The following HCRTR1 variants were observed in gnomAD, a reference collection of about 807,000 sequenced individuals.
HCRTR1 encodes the protein hypocretin receptor 1, also known as orexin/Hypocretin receptor type 1.
HCRTR1 carries 28 observed loss-of-function variants against 40.6 expected under a neutral mutation model. The observed-to-expected ratio is 0.69, with a 90% confidence interval of 0.51 to 0.95. The LOEUF (loss-of-function observed/expected upper bound fraction) is 0.95. Among genes scored for constraint, HCRTR1 ranks in the 40% least tolerant of loss-of-function variants. The pLI, the probability that HCRTR1 is intolerant of heterozygous loss-of-function variation, is 0.00. For missense variants in HCRTR1, 482 were observed against 564.7 expected, an observed-to-expected ratio of 0.85 and a Z score of 1.48; for synonymous variants, 209 against 230.0, an observed-to-expected ratio of 0.91 and a Z score of 0.83.
Position 31,627,123 on chromosome 1 carries a change from C to A in HCRTR1, c.*143C>A. The A allele has an allele frequency of 7.0e-7, 1 of 1,426,960 alleles. No homozygotes were observed. Among genetic ancestry groups the A allele is most frequent in the Non-Finnish European group, 9.3e-7 (1 of 1,071,672 alleles). The allele number at this position is 1,426,960 out of a possible 1,614,324, so 88.4% of individuals were successfully genotyped here. On this transcript the variant is annotated 3_prime_UTR_variant, in exon 9 of 9. Transcript: ENST00000403528. ...GGATAAGTCACTTCCTCTGTCTGAG[C>A]TTGTGTCCCCTAAGCAGGGTTGATG...
chr1:31,620,801 G>A (rs1639835713), intron 4 of HCRTR1, 42 bp from the exon 5 acceptor site: 1 of 1,595,424 alleles, frequency 6.3e-7, no homozygotes, highest in Admixed American at 1.7e-5. Flanking sequence ...CACATCGCTG[G>A]GTGGCCCCCA....
At chr1:31,622,373 G>A (rs1362323032) in intron 6 of HCRTR1, among the ~76,000 whole-genome samples, 6 of 152,052 alleles carry the variant, frequency 3.9e-5, no homozygotes, top group Non-Finnish European at 7.4e-5. Flanking sequence ...AGGAAGTACT[G>A]GCTTGCACCC....
intron 7 of HCRTR1, 49 bp from the exon 8 acceptor site, chr1:31,624,948 A>G (rs1299580547): frequency 6.5e-7 from 1 of 1,532,154 alleles, no homozygotes; most frequent in Non-Finnish European, 8.8e-7. Flanking sequence ...CCCCCAGTAC[A>G]TGCATACGCA....
chr1:31,631,815 T>C (rs1347480009), downstream of HCRTR1, among the ~76,000 whole-genome samples: 1 of 152,162 alleles, frequency 6.6e-6, no homozygotes, highest in African/African-American at 2.4e-5. Flanking sequence ...GTGCACTCAC[T>C]CCTGCCCACA....
chr1:31,619,668 G>T lies in HCRTR1; in HGVS notation c.336G>T (p.Trp112Cys). The part of the protein sequence containing the change: ...ASLLVDITES[W>C]LFGHALCKVI... Reference sequence around the variant, plus strand: ...TGCTGGTGGACATCACTGAGTCCTGGCTGTTCGGCCATGCCCTCTGCAAGG... The same window carrying T: ...TGCTGGTGGACATCACTGAGTCCTGTCTGTTCGGCCATGCCCTCTGCAAGG... Residue 112 changes from tryptophan to cysteine, a missense_variant, in exon 4 of 9, where the codon TGG becomes TGT. Transcript: ENST00000403528. 1 of 1,612,830 alleles carries T rather than the reference G, an allele frequency of 6.2e-7. No homozygotes were observed. The highest frequency in any genetic ancestry group is 8.5e-7 in the Non-Finnish European group (1 of 1,179,310).
chr1:31,621,176 CA>C (rs1432491255), intron 5 of HCRTR1, 90 bp downstream of exon 5: 1 of 1,475,936 alleles, frequency 6.8e-7, no homozygotes, highest in African/African-American at 1.4e-5. Flanking sequence ...GGGTCCCTTC[CA>C]AAGTGGGAAA....
rs765331590 is a variant in HCRTR1, at chr1:31,621,443, T to C, written c.623-34T>C. ...ACCAGGGCAGGGTGGGGCTCACGGATTGGGCCTGACTCTGCATCTCTTGAC... is the reference window on the plus strand; with the variant it reads ...ACCAGGGCAGGGTGGGGCTCACGGACTGGGCCTGACTCTGCATCTCTTGAC... On this transcript the variant is annotated intron_variant, in intron 5 of 8. Transcript: ENST00000403528. The C allele has an allele frequency of 2.7e-6, 4 of 1,493,966 alleles. No homozygotes were observed. The South Asian group carries it at 3.4e-5, about 13-fold the overall frequency. 92.5% of individuals were successfully genotyped at this position (1,493,966 alleles called of 1,614,324 possible). A position where few individuals can be genotyped will look rare whatever the true frequency, so the allele number is the denominator to read the frequency against.
chr1:31,626,968 A>C lies in HCRTR1; in HGVS notation c.1266A>C (p.Thr422=). 1 of 1,612,352 alleles carries C rather than the reference A, an allele frequency of 6.2e-7. No homozygotes were observed. The highest frequency in any genetic ancestry group is 8.5e-7 in the Non-Finnish European group (1 of 1,179,794). The change falls in exon 9 of 9, where the codon ACA becomes ACC. Residue 422 remains threonine, a synonymous_variant. Coordinates refer to ENST00000403528, the MANE Select transcript of HCRTR1 (RefSeq NM_001525.3). This position sits in a 1 kb window ranked among gnomAD's most constrained non-coding sequence, Gnocchi z 4.6. ...ATGTGGTGCTCACCAGCGTCACCAC[A>C]GTGCTGCCCTGAGCGAGGGCTGCCC... ...SEHVVLTSVT[T]VLP
At chr1:31,617,916 G>C (rs200557544) in intron 1 of HCRTR1, 35 bp downstream of exon 1, 3 of 152,234 alleles carry the variant, frequency 2.0e-5, no homozygotes, top group Admixed American at 6.5e-5. Context: ...GCCTGGGATG[G>C]GGGTTCCAAA....
At chr1:31,621,961 C>T (rs1639866354) in intron 6 of HCRTR1, among the ~76,000 whole-genome samples, 1 of 152,188 alleles carries the variant, frequency 6.6e-6, no homozygotes, top group Non-Finnish European at 1.5e-5. Flanking sequence ...GGAACTAAAG[C>T]CCAGATCTGT....
downstream of HCRTR1, chr1:31,632,569 T>C (rs778246626): frequency 3.1e-6 from 5 of 1,614,130 alleles, no homozygotes; most frequent in Admixed American, 1.7e-5. Context: ...CTTCCACTGC[T>C]GGATGAATTT....
At chr1:31,631,179 A>G (rs1640091835), downstream of HCRTR1, among the ~76,000 whole-genome samples, 1 of 152,220 alleles carries the variant, frequency 6.6e-6, no homozygotes. Flanking sequence ...CTGAGCTCCC[A>G]GGACCACCTT....
intron 1 of HCRTR1, 85 bp downstream of exon 1, chr1:31,617,966 G>C (rs565768405): frequency 2.4e-4 from 37 of 152,662 alleles, no homozygotes; most frequent in Non-Finnish European, 5.3e-4. Flanking sequence ...AGAGTCTCGG[G>C]GGGTAACCTG....
chr1:31,620,062 C>A (rs2148608475), intron 4 of HCRTR1, among the ~76,000 whole-genome samples: 1 of 152,354 alleles, frequency 6.6e-6, no homozygotes, highest in South Asian at 2.1e-4. Flanking sequence ...GCTCCCCAAT[C>A]CCAAAGGGGC....
In HCRTR1 at chr1:31,623,579, G is replaced by A; in HGVS notation, c.795G>A (p.Leu265=). The change falls in exon 7 of 9, where the codon CTG becomes CTA. Residue 265 remains leucine, a synonymous_variant. Coordinates refer to ENST00000403528, the MANE Select transcript of HCRTR1 (RefSeq NM_001525.3). ...VRNWKRPSDQ[L]GDLEQGLSGE... ...ACTGGAAGCGCCCCTCAGACCAGCT[G>A]GGGGACCTGGAGCAGGGCCTGAGTG... 6.2e-7 allele frequency: 1 copy of A among 1,613,526 alleles called. No homozygotes were observed. Among genetic ancestry groups the A allele is most frequent in the South Asian group, 1.1e-5 (1 of 91,072 alleles).
chr1:31,631,657 T>C (rs1290468799), downstream of HCRTR1, among the ~76,000 whole-genome samples: 1 of 152,238 alleles, frequency 6.6e-6, no homozygotes, highest in Non-Finnish European at 1.5e-5. Context: ...GAAGAATGAA[T>C]TACATAAGCC....
At chr1:31,624,196 C>T (rs1639923999) in intron 7 of HCRTR1, among the ~76,000 whole-genome samples, 1 of 152,086 alleles carries the variant, frequency 6.6e-6, no homozygotes, top group Non-Finnish European at 1.5e-5. Context: ...CAGTGGCTCA[C>T]ATCTGTAATC....
downstream of HCRTR1, among the ~76,000 whole-genome samples, chr1:31,628,192 T>TG (rs2148613205): frequency 6.6e-6 from 1 of 152,362 alleles, no homozygotes; most frequent in Admixed American, 6.5e-5. Context: ...AATAGAGCTG[T>TG]GGGCTCCCTC....
At chr1:31,620,068 G>A (rs1017164927) in intron 4 of HCRTR1, among the ~76,000 whole-genome samples, 2 of 152,214 alleles carry the variant, frequency 1.3e-5, no homozygotes, top group Non-Finnish European at 2.9e-5. Context: ...CAATCCCAAA[G>A]GGGCAGACGT....
Sources: gnomAD v4.1 joint callset for allele counts (sites outside exome capture counted in the v4.1 genomes callset) on GRCh38, gnomAD v4.1.1 for gene constraint, Gnocchi (gnomAD v3.1) non-coding constraint, MANE v1.5 for transcripts, NCBI Gene and HGNC (gene_info 2026-07-23, HGNC 2026-07-21) for gene names.